Variants in TNFAIP8 observed in about 807,000 individuals in gnomAD.
TNFAIP8 encodes TNF alpha induced protein 8.
Under a neutral mutation model 13.3 loss-of-function variants are expected in TNFAIP8, and 7 were observed. That is an observed-to-expected ratio of 0.52 (90% CI 0.30 to 0.99). TNFAIP8 has a LOEUF of 0.99. Among genes scored for constraint, TNFAIP8 ranks in the 50% least tolerant of loss-of-function variants. The pLI is 0.07. For synonymous variants in TNFAIP8, 94 were observed against 87.6 expected (o/e 1.07, Z -0.41); for missense variants, 258 against 236.9 (o/e 1.09, Z -0.58).
intron 1 of TNFAIP8, among the ~76,000 whole-genome samples, chr5:119,274,200 C>T (rs1411233640): frequency 1.3e-5 from 2 of 152,078 alleles, no homozygotes; most frequent in African/African-American, 2.4e-5. Flanking sequence ...AAAAAAAATG[C>T]CAGTCTTCTG....
At chr5:119,356,805 A>G (rs1213473184) in intron 1 of TNFAIP8, among the ~76,000 whole-genome samples, 1 of 152,108 alleles carries the variant, frequency 6.6e-6, no homozygotes, top group African/African-American at 2.4e-5. Flanking sequence ...ACCAAAACAC[A>G]ATTATACGCT....
rs541152340 is a variant in TNFAIP8 at position 119,280,916 on chromosome 5, T to A, written c.1+12009T>A. On this transcript the variant is annotated intron_variant, in intron 1 of 1. Transcript: ENST00000274456. ...AAGATCACTGATTAGGGTTTTTTTT[T>A]AATTGTTATGAGCTCATGGAATTAA... 5.4e-4 allele frequency among the ~76,000 whole-genome samples: 82 copies of A among 152,266 alleles called. 1 individual carries two copies. In the South Asian group the frequency reaches 6.6e-3, roughly 12 times the overall value.
At chr5:119,381,493 T>C (rs908794878) in intron 1 of TNFAIP8, among the ~76,000 whole-genome samples, 16 of 152,030 alleles carry the variant, frequency 1.1e-4, no homozygotes, top group African/African-American at 3.6e-4. Context: ...TGAGCCATGA[T>C]TGCACCACTG....
chr5:119,369,676 G>C (rs879447639), intron 1 of TNFAIP8, among the ~76,000 whole-genome samples: 1 of 152,178 alleles, frequency 6.6e-6, no homozygotes, highest in African/African-American at 2.4e-5. Context: ...TTACTCAATA[G>C]GTAGTTGTAT....
intron 1 of TNFAIP8, chr5:119,306,529 G>C (rs1749570176): frequency 6.6e-6 from 1 of 152,024 alleles, no homozygotes; most frequent in Non-Finnish European, 1.5e-5. Flanking sequence ...ACTTAGTGTG[G>C]ACGCCTGATC....
intron 1 of TNFAIP8, among the ~76,000 whole-genome samples, chr5:119,368,640 A>G (rs1751961990): frequency 6.6e-6 from 1 of 152,212 alleles, no homozygotes; most frequent in Admixed American, 6.5e-5. Flanking sequence ...CAAATAAGAA[A>G]CTGTGCCAGG....
At position 119,399,093 on chromosome 5, in the gene TNFAIP8, C is replaced by T. The variant is rs565631613; in HGVS notation, c.*5712C>T. On this transcript the variant is annotated 3_prime_UTR_variant, in exon 2 of 2. Coordinates refer to ENST00000504771, the MANE Select transcript of TNFAIP8 (RefSeq NM_014350.4). Reference sequence around the variant, plus strand: ...TCATATGGACTTAGTGTTCTCATGACCGAGGAGTCACATTTTTAGCTTGCT... The same window carrying T: ...TCATATGGACTTAGTGTTCTCATGATCGAGGAGTCACATTTTTAGCTTGCT... The T allele has an allele frequency of 6.6e-6, 1 of 152,306 alleles. No homozygotes were observed. The highest frequency in any genetic ancestry group is 1.9e-4 in the East Asian group (1 of 5,180). 9.4% of individuals were successfully genotyped at this position (152,306 alleles called of 1,614,324 possible).
intron 1 of TNFAIP8, among the ~76,000 whole-genome samples, chr5:119,287,447 T>G (rs1161622219): frequency 6.6e-6 from 1 of 152,190 alleles, no homozygotes; most frequent in African/African-American, 2.4e-5. Flanking sequence ...ACCGTGTGTG[T>G]GTATGTGTGG....
At chr5:119,391,609 A>C in intron 1 of TNFAIP8, 2 of 482,154 alleles carry the variant, frequency 4.1e-6, no homozygotes, top group Non-Finnish European at 7.7e-6. Flanking sequence ...AAAATACACA[A>C]TTAGCCGGGC....
rs924317191 is a variant in TNFAIP8, at chr5:119,397,313, A to C, written c.*3932A>C. 1.3e-5 allele frequency: 2 copies of C among 152,240 alleles called. No homozygotes were observed. Among genetic ancestry groups the C allele is most frequent in the Non-Finnish European group, 2.9e-5 (2 of 68,034 alleles). 9.4% of individuals were successfully genotyped at this position (152,240 alleles called of 1,614,324 possible). ...AACCTGACAAATGGTAAATAAAAGA[A>C]TATGTTTATCCAAATGATGAAATAT... On this transcript the variant is annotated 3_prime_UTR_variant, in exon 2 of 2. Coordinates refer to ENST00000504771, the MANE Select transcript of TNFAIP8 (RefSeq NM_014350.4).
intron 1 of TNFAIP8, among the ~76,000 whole-genome samples, chr5:119,279,644 C>G (rs1358341176): frequency 1.3e-5 from 2 of 152,126 alleles, no homozygotes; most frequent in South Asian, 2.1e-4. Flanking sequence ...TTCACAGGCA[C>G]AATCATAGCA....
chr5:119,281,179 G>A lies in TNFAIP8; in HGVS notation c.1+12272G>A, dbSNP rs369884428. Among the ~76,000 whole-genome samples the A allele has an allele frequency of 4.2e-4, 64 of 151,912 alleles. 1 individual carries two copies. The South Asian group carries it at 0.013, about 30-fold the overall frequency. ...CAAGAAACCCTGGTTATTTTTTAGC[G>A]AGAAATGGTATTTCAAGACTATAGT... On this transcript the variant is annotated intron_variant, in intron 1 of 1. Coordinates refer to the TNFAIP8 transcript ENST00000274456.
chr5:119,346,514 C>T (rs1235195979), intron 1 of TNFAIP8, among the ~76,000 whole-genome samples: 7 of 152,158 alleles, frequency 4.6e-5, no homozygotes, highest in African/African-American at 1.4e-4. Context: ...GGGTGAATTT[C>T]GAGCTGTGAG....
At chr5:119,338,492 G>T (rs943254320) in intron 1 of TNFAIP8, among the ~76,000 whole-genome samples, 10 of 152,316 alleles carry the variant, frequency 6.6e-5, no homozygotes, top group Middle Eastern at 6.8e-3. Context: ...CACCAGACAG[G>T]CCAGACATGG....
At chr5:119,308,644 C>G (rs901182616) in intron 1 of TNFAIP8, among the ~76,000 whole-genome samples, 1 of 151,938 alleles carries the variant, frequency 6.6e-6, no homozygotes, top group African/African-American at 2.4e-5. Flanking sequence ...GCGGGTAGAT[C>G]ACGAGGTCAG....
intron 1 of TNFAIP8, among the ~76,000 whole-genome samples, chr5:119,338,165 G>GTCACACAC (rs527815729): frequency 8.0e-6 from 1 of 125,166 alleles, no homozygotes; most frequent in Non-Finnish European, 1.7e-5. Flanking sequence ...CTGGAACTTT[G>GTCACACAC]ACACACACAC....
At chr5:119,390,154 TA>T (rs1436287036) in intron 1 of TNFAIP8, among the ~76,000 whole-genome samples, 2 of 152,184 alleles carry the variant, frequency 1.3e-5, no homozygotes, top group Non-Finnish European at 2.9e-5. Context: ...AGACTTGTAG[TA>T]AATCCCAGGT....
chr5:119,375,547 G>C (rs546696307), intron 1 of TNFAIP8, among the ~76,000 whole-genome samples: 1 of 152,152 alleles, frequency 6.6e-6, no homozygotes, highest in Non-Finnish European at 1.5e-5. Context: ...CAGCAAGTTC[G>C]TATATTTTGG....
Position 119,333,093 on chromosome 5 carries a change from C to CT in TNFAIP8, c.2-59715dup, listed in dbSNP as rs1445915401. Reference sequence around the variant, plus strand: ...AGGCATCTGTGAATGGGGCCTCTCCCTTTTTTTTAGTTTTTTTTTTTTTCT... The same window carrying CT: ...AGGCATCTGTGAATGGGGCCTCTCCCTTTTTTTTTAGTTTTTTTTTTTTTCT... On this transcript the variant is annotated intron_variant, in intron 1 of 1. Transcript: ENST00000274456. The CT allele has an allele frequency of 1.0e-4, 73 of 712,742 alleles. No individual in the cohort carries two copies. The Admixed American group carries it at 2.4e-3, about 23-fold the overall frequency. 44.2% of individuals were successfully genotyped at this position (712,742 alleles called of 1,614,324 possible).
Sources: allele counts gnomAD v4.1 joint callset (sites outside exome capture counted in the v4.1 genomes callset), GRCh38; gene constraint gnomAD v4.1.1; transcripts MANE v1.5; gene names NCBI Gene and HGNC (gene_info 2026-07-23, HGNC 2026-07-21).